PDE8B: variants seen among roughly 807,000 people sequenced by gnomAD.
The protein encoded by PDE8B is high affinity cAMP-specific and IBMX-insensitive 3',5'-cyclic phosphodiesterase 8B.
In PDE8B, 26 loss-of-function variants were observed where a neutral mutation model predicts 101.3. The ratio of observed to expected loss-of-function variants is 0.26; its 90% confidence interval spans 0.19 to 0.36. PDE8B has a LOEUF of 0.36. PDE8B is among the 10% of genes least tolerant of loss of function. The pLI, the probability that PDE8B is intolerant of heterozygous loss-of-function variation, is 1.00. For synonymous variants in PDE8B, 424 were observed against 429.3 expected (o/e 0.99, Z 0.15); for missense variants, 810 against 1,163.1 (o/e 0.70, Z 4.42).
the PDE8B span, chr5:77,114,200 A>G: frequency 6.6e-6 from 1 of 152,204 alleles, no homozygotes; most frequent in Non-Finnish European, 1.5e-5. Context: ...TACTATGAAG[A>G]CACATGCACA....
chr5:77,331,913 C>T (rs961978223), intron 5 of PDE8B, among the ~76,000 whole-genome samples: 16 of 152,180 alleles, frequency 1.1e-4, no homozygotes, highest in Admixed American at 7.2e-4. Flanking sequence ...TGTAAACTCC[C>T]GGTTGAAACC....
At chr5:77,184,162 C>T in the PDE8B span, among the ~76,000 whole-genome samples, 2 of 152,120 alleles carry the variant, frequency 1.3e-5, no homozygotes, top group Non-Finnish European at 2.9e-5. Context: ...GACAGAGTCT[C>T]ACTGTGTTGC....
chr5:77,356,515 C>A (rs763555757), intron 10 of PDE8B, among the ~76,000 whole-genome samples: 5 of 152,156 alleles, frequency 3.3e-5, no homozygotes, highest in Non-Finnish European at 5.9e-5. Context: ...CTGCAACCTC[C>A]GCCTCCTGGG....
chr5:77,345,154 C>T (rs900932272), intron 7 of PDE8B, among the ~76,000 whole-genome samples: 5 of 152,128 alleles, frequency 3.3e-5, no homozygotes, highest in African/African-American at 1.2e-4. Flanking sequence ...ATTTCTTTGA[C>T]AGAAATGGGG....
At chr5:77,415,465 C>A (rs1301167719) in intron 17 of PDE8B, among the ~76,000 whole-genome samples, 1 of 147,334 alleles carries the variant, frequency 6.8e-6, no homozygotes. Context: ...TCAAGCGATT[C>A]TCCTGCCTCA....
the PDE8B span, among the ~76,000 whole-genome samples, chr5:77,100,625 T>C: frequency 6.6e-6 from 1 of 152,146 alleles, no homozygotes; most frequent in African/African-American, 2.4e-5. Context: ...GAGAGCCTTG[T>C]CTCCAGGGAG....
chr5:77,151,491 G>GA, the PDE8B span: 27 of 152,364 alleles, frequency 1.8e-4, no homozygotes, highest in African/African-American at 5.8e-4. Context: ...CAACAGTCAA[G>GA]AATGTTATAA....
intron 1 of PDE8B, among the ~76,000 whole-genome samples, chr5:77,238,338 A>G (rs1225501999): frequency 6.6e-6 from 1 of 152,048 alleles, no homozygotes; most frequent in African/African-American, 2.4e-5. Flanking sequence ...CTTTTCTTCA[A>G]TCATTCTAAC....
chr5:77,290,542 C>A, intron 1 of PDE8B: 3 of 1,480,552 alleles, frequency 2.0e-6, no homozygotes, highest in Non-Finnish European at 1.9e-6. Context: ...ATTGACGATG[C>A]CTTGTGGGAG....
Position 77,380,115 on chromosome 5 carries a change from C to T in PDE8B, c.1168-20133C>T, listed in dbSNP as rs146434502. On this transcript the variant is annotated intron_variant, in intron 10 of 21. Coordinates refer to ENST00000264917, the MANE Select transcript of PDE8B (RefSeq NM_003719.5). Reference sequence around the variant, plus strand: ...CCAGGTTTTTTACCCCTTTCCATAACATTCAGGGGAATGGAGGATGAGACA... The same window carrying T: ...CCAGGTTTTTTACCCCTTTCCATAATATTCAGGGGAATGGAGGATGAGACA... 2.0e-4 allele frequency among the ~76,000 whole-genome samples: 30 copies of T among 152,318 alleles called. No individual in the cohort carries two copies. In the East Asian group the frequency reaches 5.2e-3, roughly 26 times the overall value.
At chr5:77,342,083 T>C (rs1779303416) in intron 6 of PDE8B, among the ~76,000 whole-genome samples, 1 of 152,206 alleles carries the variant, frequency 6.6e-6, no homozygotes, top group African/African-American at 2.4e-5. Context: ...CTCACTATTA[T>C]TGAATACAGT....
At chr5:77,272,810 G>A (rs1177695856) in intron 1 of PDE8B, among the ~76,000 whole-genome samples, 1 of 152,198 alleles carries the variant, frequency 6.6e-6, no homozygotes, top group Admixed American at 6.5e-5. Flanking sequence ...GAGCCATATG[G>A]AAGTGGTCAA....
chr5:77,329,524 T>C (rs891596348), intron 4 of PDE8B, among the ~76,000 whole-genome samples: 1 of 152,162 alleles, frequency 6.6e-6, no homozygotes, highest in African/African-American at 2.4e-5. Context: ...GGGACTGATA[T>C]GTGGCTAGAG....
chr5:77,297,432 T>C (rs1768848406), intron 1 of PDE8B, among the ~76,000 whole-genome samples: 1 of 152,030 alleles, frequency 6.6e-6, no homozygotes, highest in African/African-American at 2.4e-5. Flanking sequence ...CATTACACAC[T>C]GGGCCCACCC....
At chr5:77,364,690 A>G (rs1467807405) in intron 10 of PDE8B, among the ~76,000 whole-genome samples, 1 of 152,086 alleles carries the variant, frequency 6.6e-6, no homozygotes, top group East Asian at 1.9e-4. Context: ...GTCAAACAAG[A>G]TGGCTGCAGG....
the PDE8B span, among the ~76,000 whole-genome samples, chr5:77,167,878 A>C: frequency 2.2e-4 from 34 of 152,224 alleles, no homozygotes; most frequent in Middle Eastern, 3.4e-3. Flanking sequence ...GGAGAAACAC[A>C]GCCCCCACAG....
At chr5:77,386,553 A>G (rs1338206821) in intron 10 of PDE8B, among the ~76,000 whole-genome samples, 1 of 151,684 alleles carries the variant, frequency 6.6e-6, no homozygotes, top group East Asian at 1.9e-4. Context: ...TTCTCTTTTG[A>G]TCTTTGTTGG....
chr5:77,120,268 G>A, the PDE8B span, among the ~76,000 whole-genome samples: 7 of 152,314 alleles, frequency 4.6e-5, no homozygotes, highest in East Asian at 1.2e-3. Context: ...AGATGTGGGC[G>A]TACAAGTAGG....
the PDE8B span, among the ~76,000 whole-genome samples, chr5:77,143,354 C>G: frequency 6.6e-6 from 1 of 152,134 alleles, no homozygotes; most frequent in Non-Finnish European, 1.5e-5. Context: ...TGCCCAAATA[C>G]CAAATAATTG....
Sources: gnomAD v4.1 joint callset for allele counts (sites outside exome capture counted in the v4.1 genomes callset) on GRCh38, gnomAD v4.1.1 for gene constraint, MANE v1.5 for transcripts, NCBI Gene and HGNC (gene_info 2026-07-23, HGNC 2026-07-21) for gene names.